CLSTN2: variants seen among roughly 807,000 people sequenced by gnomAD.
CLSTN2 encodes the protein calsyntenin-2.
CLSTN2 carries 48 observed loss-of-function variants against 101.2 expected under a neutral mutation model. That is an observed-to-expected ratio of 0.47 (90% CI 0.38 to 0.60). The LOEUF (loss-of-function observed/expected upper bound fraction) is 0.60. CLSTN2 is among the 20% of genes least tolerant of loss of function. CLSTN2 has a pLI of 0.00. For synonymous variants in CLSTN2, 481 were observed against 463.6 expected, an observed-to-expected ratio of 1.04 and a Z score of -0.48; for missense variants, 1,160 against 1,238.2, an observed-to-expected ratio of 0.94 and a Z score of 0.95.
chr3:140,384,869 C>A (rs1226284170), intron 2 of CLSTN2, among the ~76,000 whole-genome samples: 1 of 152,166 alleles, frequency 6.6e-6, no homozygotes, highest in African/African-American at 2.4e-5. Flanking sequence ...CCCACATGAA[C>A]ATTTGGGAAC....
intron 1 of CLSTN2, among the ~76,000 whole-genome samples, chr3:140,110,438 T>C (rs1446317712): frequency 6.6e-6 from 1 of 152,234 alleles, no homozygotes; most frequent in Admixed American, 6.5e-5. Context: ...CATCGTGTTA[T>C]TGAATAAAGA....
At chr3:140,322,841 A>G (rs1476901759) in intron 2 of CLSTN2, among the ~76,000 whole-genome samples, 2 of 152,214 alleles carry the variant, frequency 1.3e-5, no homozygotes, top group Non-Finnish European at 2.9e-5. Context: ...CATCATTGCC[A>G]TGTGAAATCC....
At chr3:140,391,053 C>G (rs1467222171) in intron 2 of CLSTN2, among the ~76,000 whole-genome samples, 1 of 152,140 alleles carries the variant, frequency 6.6e-6, no homozygotes, top group Non-Finnish European at 1.5e-5. Context: ...CAGTCTGTCC[C>G]CACATGCAGG....
chr3:140,468,253 G>C (rs1933755847), intron 8 of CLSTN2, among the ~76,000 whole-genome samples: 1 of 152,156 alleles, frequency 6.6e-6, no homozygotes, highest in Non-Finnish European at 1.5e-5. Flanking sequence ...ACAAATTGAA[G>C]TGAATTAAAA....
At chr3:140,442,358 A>G (rs1206084498) in intron 5 of CLSTN2, among the ~76,000 whole-genome samples, 1 of 152,060 alleles carries the variant, frequency 6.6e-6, no homozygotes, top group Non-Finnish European at 1.5e-5. Context: ...TATTCAAACT[A>G]GCGAATCTTA....
At chr3:140,451,402 C>T (rs750772361) in intron 6 of CLSTN2, among the ~76,000 whole-genome samples, 1 of 152,200 alleles carries the variant, frequency 6.6e-6, no homozygotes, top group Admixed American at 6.5e-5. Flanking sequence ...AAGGCCGTTT[C>T]CCCCAAGGTG....
intron 1 of CLSTN2, among the ~76,000 whole-genome samples, chr3:140,143,044 C>A (rs957279272): frequency 3.3e-5 from 5 of 152,104 alleles, no homozygotes; most frequent in African/African-American, 1.2e-4. Flanking sequence ...GATAATAATA[C>A]CCTCATCACG....
chr3:140,564,234 C>A, intron 16 of CLSTN2, 89 bp downstream of exon 16: 3 of 1,209,354 alleles, frequency 2.5e-6, no homozygotes, highest in South Asian at 1.4e-5. Flanking sequence ...CAGCCCCATA[C>A]CCCCTCCTTC....
intron 1 of CLSTN2, among the ~76,000 whole-genome samples, chr3:140,162,308 C>A (rs1418038644): frequency 6.6e-6 from 1 of 152,182 alleles, no homozygotes; most frequent in African/African-American, 2.4e-5. Context: ...GCATCTTTCT[C>A]CACCATCTGG....
At chr3:140,530,737 C>T (rs1935239069) in intron 8 of CLSTN2, among the ~76,000 whole-genome samples, 1 of 152,164 alleles carries the variant, frequency 6.6e-6, no homozygotes, top group Non-Finnish European at 1.5e-5. Flanking sequence ...TGGGGGAGCC[C>T]CCAAGTGCTG....
intron 2 of CLSTN2, among the ~76,000 whole-genome samples, chr3:140,393,590 T>C (rs1372602415): frequency 6.6e-6 from 1 of 152,214 alleles, no homozygotes; most frequent in Non-Finnish European, 1.5e-5. Flanking sequence ...AAACGGCCAT[T>C]ATATTTGTAT....
At chr3:140,281,502 G>A (rs940158853) in intron 2 of CLSTN2, among the ~76,000 whole-genome samples, 5 of 152,160 alleles carry the variant, frequency 3.3e-5, no homozygotes, top group African/African-American at 1.2e-4. Flanking sequence ...CTGCTATTTT[G>A]CCTGTGTCTT....
At chr3:139,975,705 C>A (rs966354017) in intron 1 of CLSTN2, among the ~76,000 whole-genome samples, 10 of 152,156 alleles carry the variant, frequency 6.6e-5, no homozygotes, top group Admixed American at 5.9e-4. Flanking sequence ...AGCATCCAGG[C>A]CAGGCTGACA....
At chr3:140,042,744 A>G (rs149321714) in intron 1 of CLSTN2, among the ~76,000 whole-genome samples, 1,591 of 152,154 alleles carry the variant, frequency 0.01, 26 homozygotes, top group African/African-American at 0.034. Context: ...TCATTGTTCA[A>G]TTCCCACCTA....
chr3:140,048,883 T>C (rs1018637761), intron 1 of CLSTN2, among the ~76,000 whole-genome samples: 7 of 152,178 alleles, frequency 4.6e-5, no homozygotes, highest in Admixed American at 2.6e-4. Flanking sequence ...CCTCCAGCTC[T>C]CCCAGACTCT....
At chr3:139,987,800 T>C (rs1936051887) in intron 1 of CLSTN2, among the ~76,000 whole-genome samples, 1 of 152,168 alleles carries the variant, frequency 6.6e-6, no homozygotes, top group Non-Finnish European at 1.5e-5. Flanking sequence ...GGTGATAGAT[T>C]AGTTGCTGAA....
chr3:139,959,767 C>T (rs1433883608), intron 1 of CLSTN2, among the ~76,000 whole-genome samples: 1 of 152,090 alleles, frequency 6.6e-6, no homozygotes, highest in African/African-American at 2.4e-5. Context: ...TCTACCTGCT[C>T]ACACCCATGG....
At chr3:139,944,115 A>G (rs994370687) in intron 1 of CLSTN2, among the ~76,000 whole-genome samples, 15 of 152,196 alleles carry the variant, frequency 9.9e-5, no homozygotes, top group African/African-American at 3.4e-4. Context: ...CTTTATAGAT[A>G]TTAACTCATT....
chr3:140,336,992 T>C (rs1400609182), intron 2 of CLSTN2, among the ~76,000 whole-genome samples: 6 of 152,144 alleles, frequency 3.9e-5, no homozygotes, highest in Non-Finnish European at 8.8e-5. Context: ...AGCAGCTGTT[T>C]CCTCTCCATC....
Sources: gnomAD v4.1 joint callset for allele counts (sites outside exome capture counted in the v4.1 genomes callset) on GRCh38, gnomAD v4.1.1 for gene constraint, MANE v1.5 for transcripts, NCBI Gene and HGNC (gene_info 2026-07-23, HGNC 2026-07-21) for gene names.